WSB1: variants seen among roughly 807,000 people sequenced by gnomAD.
WSB1 encodes WD repeat and SOCS box-containing protein 1.
WSB1 carries 23 observed loss-of-function variants against 50.2 expected under a neutral mutation model. The ratio of observed to expected loss-of-function variants is 0.46; its 90% CI spans 0.33 to 0.65. WSB1 has a LOEUF of 0.65. WSB1 is among the 30% of genes least tolerant of loss of function. The pLI is 0.02. For synonymous variants in WSB1, 179 were observed against 172.0 expected (o/e 1.04, Z -0.32); for missense variants, 492 against 522.3 (o/e 0.94, Z 0.56).
chr17:27,310,783 G>T (rs527885692), intron 7 of WSB1, among the ~76,000 whole-genome samples: 8 of 152,244 alleles, frequency 5.3e-5, no homozygotes, highest in African/African-American at 1.9e-4. Context: ...CTGCATGTTA[G>T]TTCTCTGCTG....
chr17:27,302,167 T>G (rs577328554), intron 2 of WSB1, among the ~76,000 whole-genome samples: 1 of 152,262 alleles, frequency 6.6e-6, no homozygotes, highest in Non-Finnish European at 1.5e-5. Flanking sequence ...TCCCAGCACT[T>G]TGGGAGGCCA....
At chr17:27,300,940 T>TGGCA (rs2017202484) in intron 1 of WSB1, among the ~76,000 whole-genome samples, 1 of 152,074 alleles carries the variant, frequency 6.6e-6, no homozygotes, top group Non-Finnish European at 1.5e-5. Flanking sequence ...TGGGGTGCAG[T>TGGCA]GGCACTTTCT....
In WSB1 at chr17:27,294,384, G is replaced by A. The variant is rs776432810; in HGVS notation, c.-12G>A. On this transcript the variant is annotated 5_prime_UTR_variant, in exon 1 of 9. Transcript: ENST00000262394. ...CCGCATCGTATTCCCGGAATCAGAC[G>A]GTGCCCCATAGATGGCCAGCTTTCC... is the stretch of plus-strand genomic sequence containing the variant. 1.4e-5 allele frequency: 23 copies of A among 1,613,032 alleles called. No individual in the cohort carries two copies. The highest frequency in any genetic ancestry group is 1.9e-5 in the Non-Finnish European group (22 of 1,179,416).
chr17:27,303,645 C>T lies in WSB1; in HGVS notation c.478+10C>T, dbSNP rs1288286033. 9.3e-6 allele frequency: 15 copies of T among 1,608,118 alleles called. No homozygotes were observed. Among genetic ancestry groups the T allele is most frequent in the Non-Finnish European group, 1.1e-5 (13 of 1,175,976 alleles). On this transcript the variant is annotated intron_variant, in intron 3 of 8. Transcript: ENST00000262394. ...TGGGATGTATATACAGGTATGGATT[C>T]ATAGTTTTTAAAGCAAATGTATTAT...
intron 7 of WSB1, among the ~76,000 whole-genome samples, chr17:27,310,404 T>G (rs1169798531): frequency 6.6e-6 from 1 of 151,878 alleles, no homozygotes; most frequent in Admixed American, 6.6e-5. Context: ...AGTGGGTTGA[T>G]TTTTAGTCAG....
Position 27,313,455 on chromosome 17 carries a change from AC to A in WSB1, c.*1087del, listed in dbSNP as rs1400998950. ...CATGGATTTAAAAAAAAAAAAAAAAACTCTGTTTCTGCAGGGGATGATATTG... is the reference window on the plus strand; with the variant it reads ...CATGGATTTAAAAAAAAAAAAAAAAATCTGTTTCTGCAGGGGATGATATTG... On this transcript the variant is annotated 3_prime_UTR_variant, in exon 9 of 9. Transcript: ENST00000262394. The A allele has an allele frequency of 2.6e-5, 4 of 152,044 alleles. No homozygotes were observed. Among genetic ancestry groups the A allele is most frequent in the Non-Finnish European group, 2.9e-5 (2 of 67,886 alleles). 9.4% of individuals were successfully genotyped at this position (152,044 alleles called of 1,614,324 possible). A position where few individuals can be genotyped will look rare whatever the true frequency, so the allele number is the denominator to read the frequency against.
At chr17:27,306,535 C>CTAGA (rs906083780) in intron 4 of WSB1, among the ~76,000 whole-genome samples, 1 of 152,032 alleles carries the variant, frequency 6.6e-6, no homozygotes, top group Non-Finnish European at 1.5e-5. Flanking sequence ...TCTTGAAGGG[C>CTAGA]TAGATGTTGA....
chr17:27,308,414 G>A, intron 5 of WSB1: 1 of 984,610 alleles, frequency 1.0e-6, no homozygotes. Context: ...ATATTCAAAT[G>A]ACTTATGATC....
intron 5 of WSB1, 42 bp from the exon 6 acceptor site, chr17:27,309,056 CTG>C (rs2017565028): frequency 1.9e-6 from 3 of 1,547,162 alleles, no homozygotes; most frequent in Non-Finnish European, 2.6e-6. Flanking sequence ...ATTTTGTCCT[CTG>C]TATGTCTGAA....
At chr17:27,309,412 C>T in intron 6 of WSB1, 140 bp downstream of exon 6, 1 of 799,128 alleles carries the variant, frequency 1.3e-6, no homozygotes, top group South Asian at 2.4e-5. Flanking sequence ...AAGCCCTTGA[C>T]TAATGGAAAG....
chr17:27,302,190 C>T (rs2017258493), intron 2 of WSB1, among the ~76,000 whole-genome samples: 1 of 152,122 alleles, frequency 6.6e-6, no homozygotes, highest in Non-Finnish European at 1.5e-5. Context: ...GCAGGCAGAT[C>T]ACTTGAGGTC....
chr17:27,308,374 G>T (rs2017540998), intron 5 of WSB1: 1 of 985,288 alleles, frequency 1.0e-6, no homozygotes, highest in Admixed American at 6.1e-5. Flanking sequence ...AATTGTATAT[G>T]AACTTATTCT....
chr17:27,312,630 G>T lies in WSB1; in HGVS notation c.*261G>T. On this transcript the variant is annotated 3_prime_UTR_variant, in exon 9 of 9. Coordinates refer to ENST00000262394, the MANE Select transcript of WSB1 (RefSeq NM_015626.10). ...ACCTGTACATATTTAGATATAAGCT[G>T]CTATATGTTGAATGGACCCTTTTGC... 2.7e-6 allele frequency: 1 copy of T among 366,834 alleles called. No homozygotes were observed. Among genetic ancestry groups the T allele is most frequent in the Non-Finnish European group, 4.8e-6 (1 of 207,806 alleles). The allele number at this position is 366,834 out of a possible 1,614,324, so 22.7% of individuals were successfully genotyped here. A position where few individuals can be genotyped will look rare whatever the true frequency, so the allele number is the denominator to read the frequency against.
intron 3 of WSB1, 95 bp from the exon 4 acceptor site, chr17:27,304,685 C>A: frequency 7.7e-7 from 1 of 1,298,954 alleles, no homozygotes; most frequent in Non-Finnish European, 1.1e-6. Context: ...GCACTCCAGC[C>A]TGAGTGACAG....
In WSB1 at chr17:27,312,317, A is replaced by G; in HGVS notation, c.1214A>G (p.Gln405Arg). The G allele has an allele frequency of 4.3e-6, 7 of 1,614,178 alleles. No individual in the cohort carries two copies. Among genetic ancestry groups the G allele is most frequent in the Non-Finnish European group, 5.9e-6 (7 of 1,180,020 alleles). The change falls in exon 9 of 9, where the codon CAG (glutamine) becomes CGG (arginine). Residue 405 changes from glutamine to arginine, a missense_variant. By Grantham distance (43) the Gln-to-Arg change is conservative. Transcript: ENST00000262394. ...IRRVMPTQEV[Q>R]ELPIPSKLLE... The stretch of plus-strand genomic sequence containing the variant: ...AGAGTGATGCCCACCCAAGAAGTTC[A>G]GGAGCTGCCGATTCCTTCCAAGCTT...
intron 1 of WSB1, among the ~76,000 whole-genome samples, chr17:27,295,841 CT>C (rs35532397): frequency 5.6e-4 from 82 of 146,104 alleles, no homozygotes; most frequent in Admixed American, 7.5e-4. Flanking sequence ...TTCTCTCTCT[CT>C]TTTTTTTTTT....
intron 1 of WSB1, among the ~76,000 whole-genome samples, chr17:27,294,767 C>T (rs996049056): frequency 2.6e-5 from 4 of 152,128 alleles, no homozygotes; most frequent in Admixed American, 6.5e-5. Flanking sequence ...AGGGAAGGGC[C>T]ACTCAGGGAC....
At position 27,313,413 on chromosome 17, in the gene WSB1, G is replaced by C. The variant is rs1418492784; in HGVS notation, c.*1044G>C. The C allele has an allele frequency of 6.8e-6, 1 of 148,010 alleles. No homozygotes were observed. The highest frequency in any genetic ancestry group is 1.5e-5 in the Non-Finnish European group (1 of 67,294). 9.2% of individuals were successfully genotyped at this position (148,010 alleles called of 1,614,324 possible). A position where few individuals can be genotyped will look rare whatever the true frequency, so the allele number is the denominator to read the frequency against. ...GCTAAATATTTTGTTTATACTAAGG[G>C]ACAATTATTTTAAGACCATGGATTT... On this transcript the variant is annotated 3_prime_UTR_variant, in exon 9 of 9. Transcript: ENST00000262394.
intron 1 of WSB1, among the ~76,000 whole-genome samples, chr17:27,296,133 T>A (rs1457400163): frequency 6.6e-6 from 1 of 152,038 alleles, no homozygotes; most frequent in African/African-American, 2.4e-5. Flanking sequence ...CCGCCCAGAT[T>A]TCCGGTTTTG....
Sources: gnomAD v4.1 joint callset for allele counts (sites outside exome capture counted in the v4.1 genomes callset) on GRCh38, gnomAD v4.1.1 for gene constraint, MANE v1.5 for transcripts, NCBI Gene and HGNC (gene_info 2026-07-23, HGNC 2026-07-21) for gene names.